Variants in XRRA1 observed in about 807,000 individuals in gnomAD.
The protein encoded by XRRA1 is X-ray radiation resistance associated 1, also known as X-ray radiation resistance-associated protein 1.
In XRRA1, 69 loss-of-function variants were observed where a neutral mutation model predicts 80.2. The ratio of observed to expected loss-of-function variants is 0.86; its 90% confidence interval spans 0.71 to 1.05. The LOEUF is 1.05. Among genes scored for constraint, XRRA1 ranks in the 50% least tolerant of loss-of-function variants. XRRA1 has a pLI of 0.00. For synonymous variants in XRRA1, 348 were observed against 389.9 expected (o/e 0.89, Z 1.27); for missense variants, 967 against 976.4 (o/e 0.99, Z 0.13).
intron 10 of XRRA1, among the ~76,000 whole-genome samples, chr11:74,896,081 G>A (rs938940130): frequency 2.0e-5 from 3 of 152,216 alleles, no homozygotes; most frequent in Non-Finnish European, 4.4e-5. Flanking sequence ...AGGGGTGATG[G>A]AGCACATTTC....
chr11:74,889,999 G>GA (rs1169256492), intron 10 of XRRA1, among the ~76,000 whole-genome samples: 2 of 152,168 alleles, frequency 1.3e-5, no homozygotes, highest in African/African-American at 4.8e-5. Flanking sequence ...CAATGAGACA[G>GA]AAAGTTAACA....
rs1415305917 is a variant in XRRA1 at position 74,852,077 on chromosome 11, T to G, written c.1176A>C (p.Ala392=). 13 of 1,613,736 alleles carry G rather than the reference T, an allele frequency of 8.1e-6. No homozygotes were observed. Among genetic ancestry groups the G allele is most frequent in the African/African-American group, 1.3e-5 (1 of 74,914 alleles). Residue 392 remains alanine (A), a synonymous_variant, in exon 13 of 19, where the codon GCA becomes GCC. Coordinates refer to ENST00000684022, the MANE Select transcript of XRRA1 (RefSeq NM_001378157.1). ...RYLSLAYNKI[A]KEDAVLPVAL... is the part of the protein sequence containing the mutation. ...CTACTGGTAGGACAGCATCCTCTTTTGCGATCTGTAATGAATGCAGGAGAG... is the reference window on the plus strand; with the variant it reads ...CTACTGGTAGGACAGCATCCTCTTTGGCGATCTGTAATGAATGCAGGAGAG...
chr11:74,866,977 G>A (rs1394671560), intron 10 of XRRA1, among the ~76,000 whole-genome samples: 1 of 152,096 alleles, frequency 6.6e-6, no homozygotes, highest in Non-Finnish European at 1.5e-5. Context: ...GGGTGGGTGT[G>A]CACGTACCCC....
chr11:74,873,968 T>G (rs2045477437), intron 10 of XRRA1, among the ~76,000 whole-genome samples: 1 of 151,952 alleles, frequency 6.6e-6, no homozygotes, highest in African/African-American at 2.4e-5. Flanking sequence ...CCAGGCACGG[T>G]GGCTCACACC....
At chr11:74,909,654 C>T (rs1265117995) in intron 8 of XRRA1, among the ~76,000 whole-genome samples, 1 of 152,106 alleles carries the variant, frequency 6.6e-6, no homozygotes, top group African/African-American at 2.4e-5. Flanking sequence ...AAGCAGCAGG[C>T]TTTCCCACCG....
At chr11:74,873,884 C>G (rs556836593) in intron 10 of XRRA1, among the ~76,000 whole-genome samples, 2 of 152,140 alleles carry the variant, frequency 1.3e-5, no homozygotes, top group African/African-American at 4.8e-5. Context: ...GGGGGCATTA[C>G]AGGATTCTGC....
At chr11:74,844,038 C>A in intron 17 of XRRA1, 79 bp from the exon 18 acceptor site, 1 of 1,490,290 alleles carries the variant, frequency 6.7e-7, no homozygotes, top group African/African-American at 1.4e-5. Flanking sequence ...ACAGTCACAG[C>A]AACAGGCTGG....
chr11:74,937,714 C>T (rs942039321), intron 3 of XRRA1, among the ~76,000 whole-genome samples: 3 of 152,030 alleles, frequency 2.0e-5, no homozygotes, highest in Non-Finnish European at 4.4e-5. Flanking sequence ...AAAATCATAA[C>T]GTATTTTGGA....
chr11:74,907,262 A>G lies in XRRA1; in HGVS notation c.668T>C (p.Val223Ala), dbSNP rs994037943. The change falls in exon 9 of 19, where the codon GTA becomes GCA. Residue 223 changes from valine to alanine, a missense_variant. Physicochemically the swap from Val to Ala is moderately conservative, Grantham distance 64. Transcript: ENST00000684022. ...GTACCTCTTGCTTGTCAGCGATGTT[A>G]CAGATGCCTCCCTGTGAGTGCAAAG... ...NLAVAEQEASVTSLTSKRYIL... is the reference protein window; with the variant it reads ...NLAVAEQEASATSLTSKRYIL... 6.2e-7 allele frequency: 1 copy of G among 1,613,798 alleles called. No individual in the cohort carries two copies. The highest frequency in any genetic ancestry group is 1.3e-5 in the African/African-American group (1 of 74,916).
At chr11:74,871,779 C>T (rs1446780732) in intron 10 of XRRA1, among the ~76,000 whole-genome samples, 3 of 152,156 alleles carry the variant, frequency 2.0e-5, no homozygotes, top group Non-Finnish European at 4.4e-5. Context: ...CATTGCATGA[C>T]CTTAGGCAAA....
chr11:74,882,497 T>C (rs935317518), intron 10 of XRRA1, among the ~76,000 whole-genome samples: 37 of 152,340 alleles, frequency 2.4e-4, no homozygotes, highest in African/African-American at 8.7e-4. Flanking sequence ...TCTGAAGCCT[T>C]CTTCTCTCAG....
rs539156370 is a variant in XRRA1, at chr11:74,902,738, C to A, written c.1003+3501G>T. 5.3e-5 allele frequency among the ~76,000 whole-genome samples: 8 copies of A among 151,836 alleles called. No individual in the cohort carries two copies. In the South Asian group the frequency reaches 1.7e-3, roughly 32 times the overall value. On this transcript the variant is annotated intron_variant, in intron 10 of 18. Transcript: ENST00000684022. ...ATCAAAACAATTGAACTCATGGACACAGAGAGTAGAAAGATGGTTACCAGA... is the reference window on the plus strand; with the variant it reads ...ATCAAAACAATTGAACTCATGGACAAAGAGAGTAGAAAGATGGTTACCAGA...
intron 10 of XRRA1, among the ~76,000 whole-genome samples, chr11:74,884,369 T>C (rs997193453): frequency 1.3e-5 from 2 of 152,172 alleles, no homozygotes; most frequent in East Asian, 3.8e-4. Context: ...GAATGGGCAG[T>C]GTGGCACAGG....
intron 10 of XRRA1, among the ~76,000 whole-genome samples, chr11:74,894,313 A>G (rs1489030177): frequency 1.3e-5 from 2 of 152,190 alleles, no homozygotes; most frequent in African/African-American, 2.4e-5. Flanking sequence ...GTCCAGTACT[A>G]TTCTTATTAC....
At chr11:74,946,411 T>C (rs1185754235) in intron 1 of XRRA1, among the ~76,000 whole-genome samples, 1 of 152,130 alleles carries the variant, frequency 6.6e-6, no homozygotes, top group Non-Finnish European at 1.5e-5. Flanking sequence ...CCATAGTGAG[T>C]GAGCTCTCAC....
At chr11:74,855,759 G>C (rs1218754966) in intron 12 of XRRA1, among the ~76,000 whole-genome samples, 2 of 152,142 alleles carry the variant, frequency 1.3e-5, no homozygotes, top group African/African-American at 4.8e-5. Context: ...TCTGTTTAAA[G>C]GCAGAATTTA....
At chr11:74,890,047 A>G (rs566134005) in intron 10 of XRRA1, among the ~76,000 whole-genome samples, 356 of 152,334 alleles carry the variant, frequency 2.3e-3, no homozygotes, top group Admixed American at 6.3e-3. Flanking sequence ...TGCACCAAGC[A>G]GACCTAATAG....
chr11:74,845,040 C>T (rs749624131), intron 16 of XRRA1, 33 bp downstream of exon 16: 10 of 1,608,270 alleles, frequency 6.2e-6, no homozygotes, highest in Non-Finnish European at 8.5e-6. Flanking sequence ...GAGATGGCCT[C>T]TTGCCCTAGA....
intron 2 of XRRA1, among the ~76,000 whole-genome samples, chr11:74,942,474 C>A (rs1946516084): frequency 6.6e-6 from 1 of 152,142 alleles, no homozygotes; most frequent in Non-Finnish European, 1.5e-5. Context: ...AATATCAGGG[C>A]CAGCACTGGG....
Sources: gnomAD v4.1 joint callset for allele counts (sites outside exome capture counted in the v4.1 genomes callset) on GRCh38, gnomAD v4.1.1 for gene constraint, MANE v1.5 for transcripts, NCBI Gene and HGNC (gene_info 2026-07-23, HGNC 2026-07-21) for gene names.